GPBP1L1: variants seen among roughly 807,000 people sequenced by gnomAD.
GPBP1L1 encodes vasculin-like protein 1.
GPBP1L1 carries 23 observed loss-of-function variants against 52.5 expected under a neutral mutation model. The ratio of observed to expected loss-of-function variants is 0.44; its 90% CI spans 0.32 to 0.62. The LOEUF (loss-of-function observed/expected upper bound fraction) is 0.62, where lower values mean the gene tolerates loss of function less well. GPBP1L1 is among the 20% of genes least tolerant of loss of function. The pLI is 0.06. For synonymous variants in GPBP1L1, 243 were observed against 203.1 expected, an observed-to-expected ratio of 1.20 and a Z score of -1.67; for missense variants, 596 against 579.3, an observed-to-expected ratio of 1.03 and a Z score of -0.30.
At position 45,661,177 on chromosome 1, in the gene GPBP1L1, C is replaced by T. The variant is rs1644942822; in HGVS notation, c.-1049G>A. 1 of 152,152 alleles carries T rather than the reference C, an allele frequency of 6.6e-6. No homozygotes were observed. Among genetic ancestry groups the T allele is most frequent in the South Asian group, 2.1e-4 (1 of 4,828 alleles). 9.4% of individuals were successfully genotyped at this position (152,152 alleles called of 1,614,324 possible). On this transcript the variant is annotated 5_prime_UTR_variant, in exon 3 of 13. It removes an upstream start codon present in the reference 5' UTR. Transcript: ENST00000355105. The stretch of plus-strand genomic sequence containing the variant: ...GAGAAGTCACTTATTATTTTGGATC[C>T]ATTTCCACCACTTCACAATCATTTG...
Position 45,653,726 on chromosome 1 carries a change from TCTCA to T in GPBP1L1, c.477+813_477+816del, listed in dbSNP as rs552065209. 6.0e-3 allele frequency among the ~76,000 whole-genome samples: 870 copies of T among 144,642 alleles called. 6 individuals carry two copies. The highest frequency in any genetic ancestry group is 0.022 in the African/African-American group (839 of 38,608). 94.9% of individuals were successfully genotyped at this position (144,642 alleles called of 152,430 possible). On this transcript the variant is annotated intron_variant, in intron 6 of 12. Transcript: ENST00000355105. ...TCTTTTTTTTTTTTTTGAGACAGAG[TCTCA>T]CTCTATTGCCCAGACTGGAGTGTAA... is the stretch of plus-strand genomic sequence containing the variant.
chr1:45,628,987 C>G (rs1442258119), intron 12 of GPBP1L1, among the ~76,000 whole-genome samples: 3 of 152,174 alleles, frequency 2.0e-5, no homozygotes, highest in Non-Finnish European at 4.4e-5. Flanking sequence ...TAACAGAGTT[C>G]TAAGTGGCAA....
chr1:45,640,073 A>C, intron 8 of GPBP1L1, 137 bp downstream of exon 8: 1 of 567,318 alleles, frequency 1.8e-6, no homozygotes, highest in Non-Finnish European at 3.0e-6. Context: ...AAAGCAAAGA[A>C]AGCTGTATAC....
chr1:45,647,891 C>G (rs919822386), intron 6 of GPBP1L1, among the ~76,000 whole-genome samples: 1 of 152,150 alleles, frequency 6.6e-6, no homozygotes, highest in African/African-American at 2.4e-5. Context: ...TGTCTTAGCC[C>G]TAAGGGTAGT....
intron 2 of GPBP1L1, among the ~76,000 whole-genome samples, chr1:45,669,334 G>C (rs1485887030): frequency 6.6e-6 from 1 of 152,324 alleles, no homozygotes; most frequent in Non-Finnish European, 1.5e-5. Context: ...AGTGGTGCTA[G>C]AGATGGAGGT....
intron 6 of GPBP1L1, among the ~76,000 whole-genome samples, chr1:45,653,369 A>G (rs961895712): frequency 3.3e-5 from 5 of 152,170 alleles, no homozygotes; most frequent in Non-Finnish European, 5.9e-5. Flanking sequence ...GCTAGTCTGT[A>G]TAAGAAACAA....
chr1:45,687,649 T>C (rs926811325), upstream of GPBP1L1: 3 of 152,262 alleles, frequency 2.0e-5, no homozygotes, highest in Admixed American at 1.3e-4. Context: ...GATCTGACTT[T>C]CCGAACCACC....
chr1:45,639,730 A>C (rs1569776320), intron 8 of GPBP1L1, among the ~76,000 whole-genome samples: 2 of 150,934 alleles, frequency 1.3e-5, no homozygotes, highest in Middle Eastern at 6.9e-3. Context: ...ACAAAAAAAC[A>C]CCGAGCCGGG....
At chr1:45,638,130 T>C (rs1262450095) in intron 8 of GPBP1L1, among the ~76,000 whole-genome samples, 1 of 152,260 alleles carries the variant, frequency 6.6e-6, no homozygotes, top group South Asian at 2.1e-4. Context: ...TTTTCAAAGA[T>C]AACTGTACTT....
intron 2 of GPBP1L1, among the ~76,000 whole-genome samples, chr1:45,663,615 C>A (rs1254534905): frequency 6.6e-6 from 1 of 152,034 alleles, no homozygotes; most frequent in Non-Finnish European, 1.5e-5. Flanking sequence ...AGAGGAGATG[C>A]GCCATAAGTG....
rs1644932661 is a variant in GPBP1L1, at chr1:45,660,214, T to C, written c.-86A>G. 2 of 985,428 alleles carry C rather than the reference T, an allele frequency of 2.0e-6. No individual in the cohort carries two copies. The highest frequency in any genetic ancestry group is 3.5e-5 in the African/African-American group (2 of 57,360). The allele number at this position is 985,428 out of a possible 1,614,324, so 61.0% of individuals were successfully genotyped here. ...AGTGTAACCTCTGTGGTCCTGTTTC[T>C]GAACTCGAGTCGGCCAGCTGGATCT... On this transcript the variant is annotated 5_prime_UTR_variant, in exon 3 of 13. Coordinates refer to ENST00000355105, the MANE Select transcript of GPBP1L1 (RefSeq NM_021639.5).
chr1:45,683,057 GTT>G (rs35542665), intron 2 of GPBP1L1, among the ~76,000 whole-genome samples: 23 of 145,298 alleles, frequency 1.6e-4, no homozygotes, highest in South Asian at 4.3e-4. Context: ...TTTCCCATTA[GTT>G]TTTTTTTTTT....
chr1:45,686,321 T>A (rs1198391727), intron 1 of GPBP1L1, 91 bp downstream of exon 1: 1 of 152,356 alleles, frequency 6.6e-6, no homozygotes, highest in Non-Finnish European at 1.5e-5. Context: ...TCAACTAGTT[T>A]TAACAGCCCG....
intron 6 of GPBP1L1, among the ~76,000 whole-genome samples, chr1:45,646,692 G>C (rs1336040460): frequency 6.6e-6 from 1 of 151,862 alleles, no homozygotes; most frequent in Non-Finnish European, 1.5e-5. Flanking sequence ...CGAGTAGCTA[G>C]GACTACAGGC....
chr1:45,630,591 T>G lies in GPBP1L1; in HGVS notation c.1060A>C (p.Thr354Pro). 1 of 1,614,094 alleles carries G rather than the reference T, an allele frequency of 6.2e-7. No individual in the cohort carries two copies. The highest frequency in any genetic ancestry group is 2.2e-5 in the East Asian group (1 of 44,876). Reference sequence around the variant, plus strand: ...TCCCCATTTTCCTTTGGTTCAGGTGTGCTGTTGTCCTCCAACTGCAATAAG... The same window carrying G: ...TCCCCATTTTCCTTTGGTTCAGGTGGGCTGTTGTCCTCCAACTGCAATAAG... ...DKLEDLEDNS[T>P]PEPKENGEEG... Residue 354 changes from threonine (T) to proline (P), a missense_variant, in exon 11 of 13, where the codon ACA (threonine) becomes CCA (proline). Coordinates refer to ENST00000355105, the MANE Select transcript of GPBP1L1 (RefSeq NM_021639.5).
chr1:45,653,108 T>C (rs550870845), intron 6 of GPBP1L1, among the ~76,000 whole-genome samples: 7 of 152,314 alleles, frequency 4.6e-5, no homozygotes, highest in African/African-American at 1.7e-4. Flanking sequence ...TAATATATAA[T>C]TTACAGCAAG....
intron 8 of GPBP1L1, among the ~76,000 whole-genome samples, chr1:45,639,894 A>ACAAAT (rs1233282790): frequency 6.6e-6 from 1 of 151,488 alleles, no homozygotes; most frequent in African/African-American, 2.4e-5. Context: ...ACAAAACAAA[A>ACAAAT]CAAAAAATAA....
chr1:45,640,337 G>C lies in GPBP1L1; in HGVS notation c.617C>G (p.Pro206Arg). The C allele has an allele frequency of 6.2e-7, 1 of 1,614,164 alleles. No individual in the cohort carries two copies. The highest frequency in any genetic ancestry group is 8.5e-7 in the Non-Finnish European group (1 of 1,180,022). Residue 206 changes from proline (P) to arginine (R), a missense_variant, in exon 8 of 13, where the codon CCT (proline) becomes CGT (arginine). By Grantham distance (103) the Pro-to-Arg change is moderately radical (BLOSUM62 -2). Coordinates refer to ENST00000355105, the MANE Select transcript of GPBP1L1 (RefSeq NM_021639.5). ...GAATGCAGCAGAGAAGGCAGCAGCA[G>C]GATCCTCTTTGGAAACTTTTTTGAT... ...LVIKKVSKED[P>R]AAAFSAAFTS...
intron 6 of GPBP1L1, among the ~76,000 whole-genome samples, chr1:45,648,692 C>G (rs116716226): frequency 6.6e-6 from 1 of 152,282 alleles, no homozygotes; most frequent in African/African-American, 2.4e-5. Context: ...TTTGTTGGTT[C>G]CTCAACTCTA....
Sources: allele counts gnomAD v4.1 joint callset (sites outside exome capture counted in the v4.1 genomes callset), GRCh38; gene constraint gnomAD v4.1.1; transcripts MANE v1.5; gene names NCBI Gene and HGNC (gene_info 2026-07-23, HGNC 2026-07-21).